CPNE9: variants seen among roughly 807,000 people sequenced by gnomAD.
CPNE9 encodes the protein copine family member 9.
Under a neutral mutation model 83.0 loss-of-function variants are expected in CPNE9, and 59 were observed. The observed-to-expected ratio is 0.71, with a 90% CI of 0.58 to 0.88. The LOEUF (loss-of-function observed/expected upper bound fraction) is 0.88. Among genes scored for constraint, CPNE9 ranks in the 40% least tolerant of loss-of-function variants. The probability of loss-of-function intolerance (pLI) is 0.00; values close to 1 mark genes in which losing one functional copy is unlikely to be tolerated. For synonymous variants in CPNE9, 256 were observed against 273.4 expected, an observed-to-expected ratio of 0.94 and a Z score of 0.63; for missense variants, 619 against 720.8, an observed-to-expected ratio of 0.86 and a Z score of 1.62.
rs1196697389 is a variant in CPNE9 at position 9,714,937 on chromosome 3, A to C, written c.674A>C (p.Asp225Ala). The change falls in exon 11 of 21, where the codon GAC (aspartate) becomes GCC (alanine). Residue 225 changes from aspartate to alanine, a missense_variant. Asp to Ala is a moderately radical substitution (Grantham distance 126). Transcript: ENST00000383832. ...YDRTVKIDVY[D>A]WDRDGSHDFI... ...AGAACGGTGAAGATTGATGTGTACG[A>C]CTGGGACCGGGATGGAAGGTAGAAC... The C allele has an allele frequency of 1.2e-6, 2 of 1,613,870 alleles. No individual in the cohort carries two copies. Among genetic ancestry groups the C allele is most frequent in the Non-Finnish European group, 1.7e-6 (2 of 1,179,886 alleles).
At chr3:9,714,639 TAAAAAAAAAAA>T (rs34491669) in intron 10 of CPNE9, among the ~76,000 whole-genome samples, 52,912 of 104,584 alleles carry the variant, frequency 0.51, 12,254 homozygotes, top group East Asian at 0.6. Flanking sequence ...CTCAAAGTGG[TAAAAAAAAAAA>T]AAAAAAAAAA....
intron 17 of CPNE9, among the ~76,000 whole-genome samples, chr3:9,723,937 CAAT>C (rs1421532764): frequency 6.6e-6 from 1 of 152,192 alleles, no homozygotes; most frequent in African/African-American, 2.4e-5. Context: ...GCACTTTCTG[CAAT>C]GATGGAAAAG....
intron 19 of CPNE9, 79 bp downstream of exon 19, chr3:9,726,801 C>T: frequency 1.6e-6 from 2 of 1,285,262 alleles, no homozygotes; most frequent in South Asian, 1.2e-5. Context: ...TTGGGCCTGC[C>T]TCACAGATGA....
At chr3:9,726,860 C>A in intron 19 of CPNE9, 138 bp downstream of exon 19, 1 of 824,910 alleles carries the variant, frequency 1.2e-6, no homozygotes, top group Non-Finnish European at 2.0e-6. Flanking sequence ...CACAGACCTT[C>A]TCTGAACCTG....
chr3:9,725,324 C>A (rs1478144848), intron 17 of CPNE9, among the ~76,000 whole-genome samples: 1 of 151,938 alleles, frequency 6.6e-6, no homozygotes, highest in Non-Finnish European at 1.5e-5. Context: ...CACTTGAGGT[C>A]AGGAGTTTGA....
chr3:9,714,936 G>A lies in CPNE9; in HGVS notation c.673G>A (p.Asp225Asn), dbSNP rs992807895. 5 of 1,613,930 alleles carry A rather than the reference G, an allele frequency of 3.1e-6. No homozygotes were observed. The highest frequency in any genetic ancestry group is 2.2e-5 in the East Asian group (1 of 44,882). ...YDRTVKIDVY[D>N]WDRDGSHDFI... ...CAGAACGGTGAAGATTGATGTGTAC[G>A]ACTGGGACCGGGATGGAAGGTAGAA... is the stretch of plus-strand genomic sequence containing the variant. Residue 225 changes from aspartate to asparagine, a missense_variant, in exon 11 of 21, where the codon GAC becomes AAC. By Grantham distance (23) the Asp-to-Asn change is conservative (BLOSUM62 1). Coordinates refer to ENST00000383832, the MANE Select transcript of CPNE9 (RefSeq NM_153635.3).
intron 7 of CPNE9, among the ~76,000 whole-genome samples, chr3:9,711,531 C>T (rs1371168761): frequency 6.6e-6 from 1 of 152,160 alleles, no homozygotes; most frequent in Non-Finnish European, 1.5e-5. Flanking sequence ...GCGAATAGAA[C>T]CTATTCTCAT....
At chr3:9,714,818 G>C (rs1490833148) in intron 10 of CPNE9, 96 bp from the exon 11 acceptor site, 1 of 1,019,934 alleles carries the variant, frequency 9.8e-7, no homozygotes, top group East Asian at 2.4e-5. Context: ...AGACAGATGG[G>C]TGGATGGGGA....
rs749530162 is a variant in CPNE9, at chr3:9,715,463, C to G, written c.769-10C>G. 2 of 1,613,690 alleles carry G rather than the reference C, an allele frequency of 1.2e-6. No individual in the cohort carries two copies. Among genetic ancestry groups the G allele is most frequent in the South Asian group, 2.2e-5 (2 of 91,078 alleles). ...TGTTTCTCATCATCACTGTTACCTC[C>G]TCCCCTTAGGTTCTTAACCCTCGGA... On this transcript the variant is annotated splice_polypyrimidine_tract_variant and intron_variant, in intron 12 of 20. Coordinates refer to ENST00000383832, the MANE Select transcript of CPNE9 (RefSeq NM_153635.3).
chr3:9,726,593 G>A, intron 18 of CPNE9, 72 bp from the exon 19 acceptor site: 7 of 1,178,106 alleles, frequency 5.9e-6, no homozygotes, highest in South Asian at 5.0e-5. Context: ...CATACACAGA[G>A]AACTGTCTCC....
intron 18 of CPNE9, 91 bp from the exon 19 acceptor site, chr3:9,726,574 C>G (rs1163350113): frequency 1.0e-6 from 1 of 978,880 alleles, no homozygotes; most frequent in Non-Finnish European, 1.6e-6. Flanking sequence ...TGTGCAGAAC[C>G]ATGACACACA....
At chr3:9,705,695 G>A in intron 5 of CPNE9, 23 bp from the exon 6 acceptor site, 1 of 1,613,850 alleles carries the variant, frequency 6.2e-7, no homozygotes, top group Non-Finnish European at 8.5e-7. Flanking sequence ...TTCCTTCTTG[G>A]CTGCCACTGC....
chr3:9,723,206 T>G (rs1012185523), intron 17 of CPNE9, among the ~76,000 whole-genome samples: 1 of 152,210 alleles, frequency 6.6e-6, no homozygotes, highest in Non-Finnish European at 1.5e-5. Context: ...CCACAGTGGC[T>G]CATGCCTGTA....
intron 10 of CPNE9, among the ~76,000 whole-genome samples, chr3:9,713,360 C>T (rs1404818317): frequency 1.3e-5 from 2 of 151,920 alleles, no homozygotes; most frequent in Non-Finnish European, 2.9e-5. Context: ...ATGGATGGAT[C>T]GTTGGATGGG....
In CPNE9 at chr3:9,704,964, T is replaced by A. The variant is rs1357429538; in HGVS notation, c.230T>A (p.Phe77Tyr). 1 of 1,613,132 alleles carries A rather than the reference T, an allele frequency of 6.2e-7. No homozygotes were observed. Among genetic ancestry groups the A allele is most frequent in the Non-Finnish European group, 8.5e-7 (1 of 1,179,814 alleles). The change falls in exon 4 of 21, where the codon TTT becomes TAT. Residue 77 changes from phenylalanine to tyrosine, a missense_variant. Phe to Tyr is a conservative substitution (Grantham distance 22). Around this residue, in one of 3 missense-constraint regions of CPNE9, gnomAD observed 130 missense variants for 117.5 expected, o/e 1.11. Transcript: ENST00000383832. This position sits in a 1 kb window ranked among gnomAD's most constrained non-coding sequence, Gnocchi z 7.1. ...CGCAAATTCGTCCTCGACTATTTCT[T>A]TGAGGAAAAGCAAAATCTGCGCTTC... is the stretch of plus-strand genomic sequence containing the variant. The part of the protein sequence containing the change: ...FVRKFVLDYF[F>Y]EEKQNLRFDV...
In CPNE9 at chr3:9,729,494, G is replaced by A; in HGVS notation, c.1477-13G>A. The A allele has an allele frequency of 3.1e-6, 5 of 1,605,624 alleles. No individual in the cohort carries two copies. The highest frequency in any genetic ancestry group is 4.3e-6 in the Non-Finnish European group (5 of 1,173,692). On this transcript the variant is annotated splice_polypyrimidine_tract_variant and intron_variant, in intron 20 of 20. Coordinates refer to ENST00000383832, the MANE Select transcript of CPNE9 (RefSeq NM_153635.3). ...GGTCATGGCTTATCTCTTCTTGTCT[G>A]TGCCTGACCCAGTTCGTCCCATTCC...
chr3:9,721,510 G>A (rs2076733574), intron 17 of CPNE9, among the ~76,000 whole-genome samples: 1 of 152,184 alleles, frequency 6.6e-6, no homozygotes, highest in Non-Finnish European at 1.5e-5. Flanking sequence ...TAGAGGAGCA[G>A]ACAGCCCATC....
chr3:9,717,865 T>C (rs889605189), intron 15 of CPNE9, among the ~76,000 whole-genome samples, 164 bp from the exon 16 acceptor site: 19 of 151,936 alleles, frequency 1.3e-4, no homozygotes, highest in Admixed American at 3.3e-4. Context: ...GGTGGGTGGA[T>C]AGATGGATAA....
intron 13 of CPNE9, 90 bp downstream of exon 13, chr3:9,715,616 G>A: frequency 9.2e-7 from 1 of 1,086,026 alleles, no homozygotes; most frequent in Non-Finnish European, 1.4e-6. Flanking sequence ...GGCAGGGCAA[G>A]ACAGTGGGCA....
Sources: gnomAD v4.1 joint callset for allele counts (sites outside exome capture counted in the v4.1 genomes callset) on GRCh38, gnomAD v4.1.1 for gene constraint, gnomAD v4.1.1 regional missense constraint, Gnocchi (gnomAD v3.1) non-coding constraint, MANE v1.5 for transcripts, NCBI Gene and HGNC (gene_info 2026-07-23, HGNC 2026-07-21) for gene names.